Variants in CD1B observed in about 807,000 individuals in gnomAD.
The protein encoded by CD1B is T-cell surface glycoprotein CD1b.
Under a neutral mutation model 39.8 loss-of-function variants are expected in CD1B, and 43 were observed. The observed-to-expected ratio is 1.08, with a 90% CI of 0.85 to 1.39. The LOEUF (loss-of-function observed/expected upper bound fraction) is 1.39. Ranked by LOEUF, CD1B falls within the 40% of genes most tolerant of loss-of-function variation. The pLI, the probability that CD1B is intolerant of heterozygous loss-of-function variation, is 0.00. For missense variants in CD1B, 495 were observed against 403.8 expected, an observed-to-expected ratio of 1.23 and a Z score of -1.94; for synonymous variants, 192 against 152.5, an observed-to-expected ratio of 1.26 and a Z score of -1.91.
At chr1:158,303,336 CA>C in the CD1B span, among the ~76,000 whole-genome samples, 2 of 152,132 alleles carry the variant, frequency 1.3e-5, no homozygotes, top group Admixed American at 1.3e-4. Context: ...ACTGAATAAA[CA>C]AAAGCTTGAA....
At chr1:158,311,189 G>A in the CD1B span, among the ~76,000 whole-genome samples, 1 of 151,844 alleles carries the variant, frequency 6.6e-6, no homozygotes, top group African/African-American at 2.4e-5. Flanking sequence ...TTGTTTGTTT[G>A]CTTTTGTTTA....
chr1:158,325,088 ATTCCATC>A (rs1652307071), downstream of CD1B, among the ~76,000 whole-genome samples: 2 of 151,432 alleles, frequency 1.3e-5, no homozygotes, highest in Admixed American at 1.3e-4. Flanking sequence ...TATTACCTTG[ATTCCATC>A]AAGGTAATAA....
At chr1:158,321,316 G>A in the CD1B span, among the ~76,000 whole-genome samples, 1 of 152,010 alleles carries the variant, frequency 6.6e-6, no homozygotes, top group African/African-American at 2.4e-5. Flanking sequence ...TCTGATATAA[G>A]TATAGCTACT....
chr1:158,289,834 A>G, the CD1B span: 14 of 473,670 alleles, frequency 3.0e-5, 1 homozygote, highest in Middle Eastern at 1.1e-3. Context: ...GTGGCAGAGC[A>G]GCTGGAATCC....
chr1:158,331,038 T>C lies in CD1B; in HGVS notation c.86A>G (p.His29Arg), dbSNP rs1018023128. 5.0e-6 allele frequency: 8 copies of C among 1,612,644 alleles called. No homozygotes were observed. The South Asian group carries it at 6.6e-5, about 13-fold the overall frequency. ...EHAFQGPTSFHVIQTSSFTNS... is the reference protein window; with the variant it reads ...EHAFQGPTSFRVIQTSSFTNS... ...GGTAAAGGACGAGGTCTGGATAACATGAAAGGAGGTCGGCCCCTGGAAGGC... is the reference window on the plus strand; with the variant it reads ...GGTAAAGGACGAGGTCTGGATAACACGAAAGGAGGTCGGCCCCTGGAAGGC... Residue 29 changes from histidine (H) to arginine (R), a missense_variant, in exon 2 of 6, where the codon CAT becomes CGT. Physicochemically the swap from His to Arg is conservative, Grantham distance 29 (BLOSUM62 0). Coordinates refer to ENST00000368168, the MANE Select transcript of CD1B (RefSeq NM_001764.3).
the CD1B span, among the ~76,000 whole-genome samples, chr1:158,316,107 G>A: frequency 6.7e-4 from 102 of 151,942 alleles, no homozygotes; most frequent in South Asian, 2.1e-4. Context: ...CTCCAGCTTT[G>A]TTCTTTTGGC....
chr1:158,317,476 G>A, the CD1B span, among the ~76,000 whole-genome samples: 26 of 152,234 alleles, frequency 1.7e-4, no homozygotes, highest in African/African-American at 5.5e-4. Flanking sequence ...TTCTCTGATG[G>A]TAGTTTGTAT....
the CD1B span, among the ~76,000 whole-genome samples, chr1:158,287,950 C>A: frequency 6.6e-6 from 1 of 152,176 alleles, no homozygotes; most frequent in Non-Finnish European, 1.5e-5. Context: ...CTGGAGCTGG[C>A]TAATGCTTCC....
At chr1:158,291,096 T>G in the CD1B span, 1 of 1,569,072 alleles carries the variant, frequency 6.4e-7, no homozygotes, top group Non-Finnish European at 8.6e-7. Flanking sequence ...CTCTTTTTTT[T>G]TTTTTCCTTA....
chr1:158,299,875 C>A, the CD1B span, among the ~76,000 whole-genome samples: 1 of 152,076 alleles, frequency 6.6e-6, no homozygotes, highest in Admixed American at 6.6e-5. Context: ...ATTCTTCTCT[C>A]TTTTCTTCTT....
the CD1B span, among the ~76,000 whole-genome samples, chr1:158,293,816 C>G: frequency 6.6e-6 from 1 of 152,224 alleles, no homozygotes; most frequent in South Asian, 2.1e-4. Flanking sequence ...CATTTTTAAG[C>G]TTTTAGGAGG....
chr1:158,320,681 C>T, the CD1B span, among the ~76,000 whole-genome samples: 7 of 152,116 alleles, frequency 4.6e-5, no homozygotes, highest in African/African-American at 1.7e-4. Context: ...CTTGGCTCCT[C>T]CCCCTCCATA....
the CD1B span, among the ~76,000 whole-genome samples, chr1:158,321,894 A>C: frequency 6.6e-6 from 1 of 152,170 alleles, no homozygotes; most frequent in African/African-American, 2.4e-5. Flanking sequence ...TCCATTAGCT[A>C]TTCTTCCTGA....
chr1:158,309,711 C>G, the CD1B span, among the ~76,000 whole-genome samples: 1 of 151,938 alleles, frequency 6.6e-6, no homozygotes, highest in Non-Finnish European at 1.5e-5. Context: ...AACCACCTTT[C>G]TCAGCAAACT....
the CD1B span, among the ~76,000 whole-genome samples, chr1:158,316,477 A>T: frequency 1.3e-5 from 2 of 151,768 alleles, no homozygotes; most frequent in Non-Finnish European, 2.9e-5. Flanking sequence ...TTGGTGTATA[A>T]GAATGCTTGT....
the CD1B span, chr1:158,293,661 A>G: frequency 1.4e-6 from 2 of 1,406,114 alleles, no homozygotes; most frequent in Non-Finnish European, 2.0e-6. Flanking sequence ...CTTTTTATAT[A>G]GCACTCAACC....
chr1:158,299,376 T>C, the CD1B span, among the ~76,000 whole-genome samples: 1 of 152,200 alleles, frequency 6.6e-6, no homozygotes, highest in East Asian at 1.9e-4. Context: ...GATTTGATCA[T>C]GGTGGATAAG....
chr1:158,302,453 T>C, the CD1B span, among the ~76,000 whole-genome samples: 24 of 151,276 alleles, frequency 1.6e-4, no homozygotes, highest in Non-Finnish European at 3.2e-4. Context: ...CTGAACTAAA[T>C]AAAACTGAGA....
At chr1:158,287,637 T>G in the CD1B span, among the ~76,000 whole-genome samples, 1 of 152,206 alleles carries the variant, frequency 6.6e-6, no homozygotes. Flanking sequence ...AAGTCAAGAT[T>G]GACCATTAGA....
Sources: gnomAD v4.1 joint callset for allele counts (sites outside exome capture counted in the v4.1 genomes callset) on GRCh38, gnomAD v4.1.1 for gene constraint, MANE v1.5 for transcripts, NCBI Gene and HGNC (gene_info 2026-07-23, HGNC 2026-07-21) for gene names.